The following EML4 variants were observed in gnomAD, a reference collection of about 807,000 sequenced individuals.
EML4 encodes echinoderm microtubule-associated protein-like 4.
EML4 carries 72 observed loss-of-function variants against 129.0 expected under a neutral mutation model. That is an observed-to-expected ratio of 0.56 (90% CI 0.46 to 0.68). EML4 has a LOEUF of 0.68. Among genes scored for constraint, EML4 ranks in the 30% least tolerant of loss-of-function variants. The pLI, the probability that EML4 is intolerant of heterozygous loss-of-function variation, is 0.00. For missense variants in EML4, 1,363 were observed against 1,190.6 expected (o/e 1.14, Z -2.13); for synonymous variants, 532 against 405.0 (o/e 1.31, Z -3.77).
chr2:42,218,323 C>T lies in EML4; in HGVS notation c.26-27182C>T, dbSNP rs564628163. 7.6e-4 allele frequency among the ~76,000 whole-genome samples: 116 copies of T among 151,970 alleles called. 1 individual carries two copies. The highest frequency in any genetic ancestry group is 3.4e-3 in the Middle Eastern group (1 of 294). ...CCATCTAGTTGCAGGAAAACAAGCTCAGGGCTCCCACTGATTCTACATTAT... is the reference window on the plus strand; with the variant it reads ...CCATCTAGTTGCAGGAAAACAAGCTTAGGGCTCCCACTGATTCTACATTAT... On this transcript the variant is annotated intron_variant, in intron 1 of 22. Transcript: ENST00000318522.
chr2:42,236,728 A>G (rs1421528983), intron 1 of EML4, among the ~76,000 whole-genome samples: 3 of 152,120 alleles, frequency 2.0e-5, no homozygotes, highest in East Asian at 1.9e-4. Context: ...AGATATTGCC[A>G]AGGTTTTTTT....
chr2:42,203,479 A>G (rs1672355125), intron 1 of EML4, among the ~76,000 whole-genome samples: 1 of 152,232 alleles, frequency 6.6e-6, no homozygotes, highest in South Asian at 2.1e-4. Context: ...TAAACTTATT[A>G]ATATAACAAA....
rs764584705 is a variant in EML4, at chr2:42,295,244, A to G, written c.1338A>G (p.Lys446=). The G allele has an allele frequency of 6.2e-7, 1 of 1,613,314 alleles. No individual in the cohort carries two copies. Among genetic ancestry groups the G allele is most frequent in the South Asian group, 1.1e-5 (1 of 90,762 alleles). The change falls in exon 12 of 23, where the codon AAA becomes AAG. Residue 446 remains lysine, a synonymous_variant. Transcript: ENST00000318522. The stretch of plus-strand genomic sequence containing the variant: ...GGAGCGGCAATTCACTAACAAGAAA[A>G]CAGGGAATTTTTGGGGTAAGAATCA... The part of the protein sequence containing the change: ...WTWSGNSLTR[K]QGIFGKYEKP...
At chr2:42,299,813 C>G (rs113167004) in intron 13 of EML4, among the ~76,000 whole-genome samples, 1,541 of 152,290 alleles carry the variant, frequency 0.01, 31 homozygotes, top group African/African-American at 0.035. Flanking sequence ...CTCAGCCTCC[C>G]AAGTAGCTGG....
At chr2:42,198,373 G>A (rs1458735189) in intron 1 of EML4, among the ~76,000 whole-genome samples, 2 of 152,130 alleles carry the variant, frequency 1.3e-5, no homozygotes, top group Non-Finnish European at 2.9e-5. Context: ...AGCACTGGGG[G>A]AAGGCTTGGT....
chr2:42,265,303 C>T (rs895845542), intron 6 of EML4, among the ~76,000 whole-genome samples: 1 of 152,150 alleles, frequency 6.6e-6, no homozygotes, highest in Non-Finnish European at 1.5e-5. Context: ...CGGGGTTTCA[C>T]CATGTTGGCC....
chr2:42,245,528 A>G lies in EML4; in HGVS notation c.49A>G (p.Thr17Ala). The G allele has an allele frequency of 6.2e-7, 1 of 1,613,258 alleles. No homozygotes were observed. Residue 17 changes from threonine to alanine, a missense_variant, in exon 2 of 23, where the codon ACT becomes GCT. Physicochemically the swap from Thr to Ala is moderately conservative, Grantham distance 58. Coordinates refer to ENST00000318522, the MANE Select transcript of EML4 (RefSeq NM_019063.5). ...AGATGATAGTATTTCTGCTGCAAGT[A>G]CTTCTGATGTTCAAGATCGCCTGTC... Reference protein sequence around the residue: ...SLDDSISAASTSDVQDRLSAL... With the variant: ...SLDDSISAASASDVQDRLSAL...
At chr2:42,236,351 T>G (rs1361907144) in intron 1 of EML4, among the ~76,000 whole-genome samples, 1 of 152,226 alleles carries the variant, frequency 6.6e-6, no homozygotes, top group Non-Finnish European at 1.5e-5. Context: ...GTTTCCAATT[T>G]GTTTTTATGA....
chr2:42,218,130 C>T lies in EML4; in HGVS notation c.26-27375C>T, dbSNP rs1404142322. ...ATCTGTATTTGCAGCCGCTCCTCAT[C>T]ACTCTCATTACCACCTACGCTTTGC... On this transcript the variant is annotated intron_variant, in intron 1 of 22. Coordinates refer to ENST00000318522, the MANE Select transcript of EML4 (RefSeq NM_019063.5). Among the ~76,000 whole-genome samples the T allele has an allele frequency of 2.0e-5, 3 of 152,150 alleles. No homozygotes were observed. The East Asian group carries it at 5.8e-4, about 29-fold the overall frequency.
chr2:42,178,122 A>G (rs1355295378), intron 1 of EML4, among the ~76,000 whole-genome samples: 1 of 152,260 alleles, frequency 6.6e-6, no homozygotes, highest in Non-Finnish European at 1.5e-5. Context: ...CAGCAGCAGC[A>G]GCAGAAAGAT....
At chr2:42,219,721 C>T (rs1464032856) in intron 1 of EML4, among the ~76,000 whole-genome samples, 1 of 151,896 alleles carries the variant, frequency 6.6e-6, no homozygotes, top group Non-Finnish European at 1.5e-5. Context: ...ACTTCAAGAC[C>T]AGCCTGGCCA....
intron 1 of EML4, among the ~76,000 whole-genome samples, chr2:42,209,195 A>G (rs1237699536): frequency 6.6e-6 from 1 of 152,234 alleles, no homozygotes; most frequent in African/African-American, 2.4e-5. Flanking sequence ...AGCTAAAAAC[A>G]TGGTTTCAAA....
chr2:42,217,598 A>G (rs1673277786), intron 1 of EML4, among the ~76,000 whole-genome samples: 1 of 152,182 alleles, frequency 6.6e-6, no homozygotes, highest in South Asian at 2.1e-4. Context: ...TTCTTTGTGG[A>G]ATACTGTACC....
intron 2 of EML4, among the ~76,000 whole-genome samples, chr2:42,254,819 T>C (rs928616849): frequency 6.6e-6 from 1 of 152,094 alleles, no homozygotes; most frequent in Admixed American, 6.5e-5. Context: ...CAGGTGGTTA[T>C]ATGAAAAATT....
chr2:42,280,464 G>A (rs1273206381), intron 6 of EML4, among the ~76,000 whole-genome samples: 1 of 152,020 alleles, frequency 6.6e-6, no homozygotes, highest in East Asian at 1.9e-4. Flanking sequence ...GAAAATATTT[G>A]GGGAAAAAAA....
At chr2:42,325,602 T>TTATATTTATATATATATATATATATA (rs1669753079) in intron 20 of EML4, 48 bp downstream of exon 20, 1 of 124,300 alleles carries the variant, frequency 8.0e-6, no homozygotes, top group Non-Finnish European at 1.7e-5. Context: ...ATGATTATAT[T>TTATATTTATATATATATATATATATA]TATATATATA....
At chr2:42,267,894 C>T (rs571252540) in intron 6 of EML4, among the ~76,000 whole-genome samples, 2 of 152,214 alleles carry the variant, frequency 1.3e-5, no homozygotes, top group East Asian at 3.9e-4. Context: ...GAATAAGTTC[C>T]ATGTAGGACT....
In EML4 at chr2:42,265,685, G is replaced by A. The variant is rs187328899; in HGVS notation, c.667+954G>A. 5.0e-5 allele frequency among the ~76,000 whole-genome samples: 6 copies of A among 121,136 alleles called. No individual in the cohort carries two copies. In the East Asian group the frequency reaches 1.5e-3, roughly 30 times the overall value. 79.5% of individuals were successfully genotyped at this position (121,136 alleles called of 152,430 possible). ...AAGTTTTACCTAGAAATAAACGATTGATAAATTTTAACTCAGTTTCCTGTC... is the reference window on the plus strand; with the variant it reads ...AAGTTTTACCTAGAAATAAACGATTAATAAATTTTAACTCAGTTTCCTGTC... On this transcript the variant is annotated intron_variant, in intron 6 of 22. Coordinates refer to ENST00000318522, the MANE Select transcript of EML4 (RefSeq NM_019063.5).
intron 1 of EML4, among the ~76,000 whole-genome samples, chr2:42,231,235 T>C (rs1294740877): frequency 6.6e-6 from 1 of 152,252 alleles, no homozygotes; most frequent in Admixed American, 6.5e-5. Context: ...TCTAACATTA[T>C]GTCTCCTTTC....
Sources: gnomAD v4.1 joint callset for allele counts (sites outside exome capture counted in the v4.1 genomes callset) on GRCh38, gnomAD v4.1.1 for gene constraint, MANE v1.5 for transcripts, NCBI Gene and HGNC (gene_info 2026-07-23, HGNC 2026-07-21) for gene names.